Variants in MX1 observed in about 807,000 individuals in gnomAD.
MX1 encodes the protein interferon-induced GTP-binding protein Mx1.
MX1 carries 66 observed loss-of-function variants against 66.4 expected under a neutral mutation model. The observed-to-expected ratio is 0.99, with a 90% CI of 0.82 to 1.22. The LOEUF (loss-of-function observed/expected upper bound fraction) is 1.22, where lower values mean the gene tolerates loss of function less well. Ranked by LOEUF, MX1 falls within the 50% of genes most tolerant of loss-of-function variation. The pLI, the probability that MX1 is intolerant of heterozygous loss-of-function variation, is 0.00. For missense variants in MX1, 787 were observed against 834.3 expected (o/e 0.94, Z 0.70); for synonymous variants, 311 against 318.1 (o/e 0.98, Z 0.24).
intron 7 of MX1, among the ~76,000 whole-genome samples, chr21:41,438,564 T>G (rs114103786): frequency 6.7e-4 from 102 of 152,346 alleles, no homozygotes; most frequent in African/African-American, 2.4e-3. Context: ...CTAACACCTT[T>G]CGGTCTCTCC....
Position 41,449,237 on chromosome 21 carries a change from G to A in MX1, c.1374G>A (p.Val458=), listed in dbSNP as rs1190252404. The change falls in exon 14 of 17, where the codon GTG becomes GTA. Residue 458 remains valine (V), a synonymous_variant. Transcript: ENST00000398598. ...FVNYRTFETI[V]KQQIKALEEP... ...ATTACAGGACATTTGAGACAATCGT[G>A]AAACAGCAAATCAAGGCACTGGAAG... The A allele has an allele frequency of 6.2e-7, 1 of 1,613,886 alleles. No homozygotes were observed. Among genetic ancestry groups the A allele is most frequent in the African/African-American group, 1.3e-5 (1 of 74,880 alleles).
In MX1 at chr21:41,427,586, T is replaced by G. The variant is rs28631006; in HGVS notation, c.-209-169T>G. 0.12 allele frequency among the ~76,000 whole-genome samples: 18,149 copies of G among 152,208 alleles called. 1,254 individuals carry two copies. The highest frequency in any genetic ancestry group is 0.22 in the South Asian group (1,042 of 4,828). On this transcript the variant is annotated intron_variant, in intron 2 of 16. Transcript: ENST00000398598. ...AGTGTAGCCTCTTCCATCTTAGGCATTTCCTAGAACGTAGGCAGTAGGTGG... is the reference window on the plus strand; with the variant it reads ...AGTGTAGCCTCTTCCATCTTAGGCAGTTCCTAGAACGTAGGCAGTAGGTGG...
chr21:41,456,069 C>T (rs958909125), intron 16 of MX1, among the ~76,000 whole-genome samples: 6 of 152,104 alleles, frequency 3.9e-5, no homozygotes, highest in South Asian at 2.1e-4. Flanking sequence ...TGGCGAAACC[C>T]GGTCTCTACT....
At chr21:41,432,006 AC>A (rs1234338416) in intron 4 of MX1, 43 bp from the exon 5 acceptor site, 1 of 1,541,346 alleles carries the variant, frequency 6.5e-7, no homozygotes, top group African/African-American at 1.4e-5. Context: ...GGTTGAATGC[AC>A]CCAGCTGCTT....
intron 14 of MX1, chr21:41,449,610 A>G (rs948898763): frequency 1.7e-5 from 4 of 229,812 alleles, no homozygotes; most frequent in Non-Finnish European, 3.4e-5. Flanking sequence ...CTTGCGACCC[A>G]TTCCTCAGGT....
intron 5 of MX1, among the ~76,000 whole-genome samples, chr21:41,434,986 G>A (rs1336035711): frequency 6.6e-6 from 1 of 152,124 alleles, no homozygotes; most frequent in Non-Finnish European, 1.5e-5. Context: ...GCTTTTGAAT[G>A]GCTAAAAAAG....
Position 41,458,696 on chromosome 21 carries a change from C to G in MX1, c.1927C>G (p.Leu643Val), listed in dbSNP as rs199725620. Residue 643 changes from leucine (L) to valine (V), a missense_variant, in exon 17 of 17, where the codon CTG becomes GTG. Transcript: ENST00000398598. ...RSDTSDKRKFLKERLARLTQA... is the reference protein window; with the variant it reads ...RSDTSDKRKFVKERLARLTQA... ...CGACACCAGCGACAAGCGGAAGTTC[C>G]TGAAGGAGCGGCTTGCACGGCTGAC... The G allele has an allele frequency of 7.9e-5, 127 of 1,614,190 alleles. No homozygotes were observed. In the East Asian group the frequency reaches 2.7e-3, roughly 34 times the overall value.
chr21:41,432,294 G>A, intron 5 of MX1, 119 bp downstream of exon 5: 1 of 880,472 alleles, frequency 1.1e-6, no homozygotes, highest in Non-Finnish European at 1.8e-6. Context: ...CCTCTCCTGT[G>A]CCAGGACGCA....
intron 14 of MX1, among the ~76,000 whole-genome samples, chr21:41,450,309 C>T (rs1469247437): frequency 6.6e-6 from 1 of 152,104 alleles, no homozygotes. Context: ...AAATGCTTTG[C>T]TTTCTTGGTT....
At chr21:41,446,338 A>T (rs1176158199) in intron 13 of MX1, among the ~76,000 whole-genome samples, 197 bp downstream of exon 13, 1 of 152,142 alleles carries the variant, frequency 6.6e-6, no homozygotes. Context: ...CTCTCATGGG[A>T]TAAGGGACGA....
At chr21:41,436,431 A>G (rs537198406) in intron 6 of MX1, among the ~76,000 whole-genome samples, 33 of 152,164 alleles carry the variant, frequency 2.2e-4, no homozygotes, top group Non-Finnish European at 3.5e-4. Context: ...CTCATTGCAC[A>G]TTTTTTTCAC....
chr21:41,449,409 G>T (rs2090762550), intron 14 of MX1, 114 bp downstream of exon 14: 2 of 1,034,726 alleles, frequency 1.9e-6, no homozygotes, highest in Non-Finnish European at 2.8e-6. Context: ...ACACCAACGA[G>T]CAAACCTCTC....
In MX1 at chr21:41,441,034, G is replaced by C; in HGVS notation, c.730+9G>C. On this transcript the variant is annotated intron_variant, in intron 9 of 16. Transcript: ENST00000398598. The surrounding 1 kb of genome is among the most constrained non-coding windows in gnomAD (Gnocchi z 4.0). ...GGGAGACAGGACCATCGGTGAGAGT[G>C]GGGGAGCCCCACTGTGCTCAGTGAG... 6.2e-7 allele frequency: 1 copy of C among 1,612,388 alleles called. No individual in the cohort carries two copies.
Position 41,440,881 on chromosome 21 carries a change from T to A in MX1, c.592-6T>A. On this transcript the variant is annotated splice_polypyrimidine_tract_variant and splice_region_variant and intron_variant, in intron 8 of 16. Coordinates refer to ENST00000398598, the MANE Select transcript of MX1 (RefSeq NM_002462.5). ...TCACGAGTCACCTCCTCTCATTTCC[T>A]TACAGATCAAGACACTCATCAAGAA... 6.2e-7 allele frequency: 1 copy of A among 1,614,116 alleles called. No individual in the cohort carries two copies. The highest frequency in any genetic ancestry group is 8.5e-7 in the Non-Finnish European group (1 of 1,179,970).
intron 11 of MX1, 34 bp from the exon 12 acceptor site, chr21:41,445,414 C>T (rs999182060): frequency 2.5e-6 from 4 of 1,612,454 alleles, no homozygotes; most frequent in Non-Finnish European, 3.4e-6. Flanking sequence ...TTCATCTTTA[C>T]ACATTTCCAT....
At position 41,439,758 on chromosome 21, in the gene MX1, C is replaced by A; in HGVS notation, c.501C>A (p.Ser167Arg). 1 of 1,614,098 alleles carries A rather than the reference C, an allele frequency of 6.2e-7. No individual in the cohort carries two copies. Among genetic ancestry groups the A allele is most frequent in the Non-Finnish European group, 8.5e-7 (1 of 1,179,940 alleles). Residue 167 changes from serine (S) to arginine (R), a missense_variant, in exon 8 of 17, where the codon AGC (serine) becomes AGA (arginine). Physicochemically the swap from Ser to Arg is moderately radical, Grantham distance 110 (BLOSUM62 -1). Transcript: ENST00000398598. ...ATGAGCTAATCACCCTGGAGATCAG[C>A]TCCCGAGATGTCCCGGATCTGACTC... ...ISHELITLEI[S>R]SRDVPDLTLI...
intron 16 of MX1, 60 bp from the exon 17 acceptor site, chr21:41,458,468 T>TAAGAGTCCCCTCCTCA: frequency 8.5e-7 from 1 of 1,181,892 alleles, no homozygotes; most frequent in South Asian, 1.8e-5. Flanking sequence ...CATGGTGAGG[T>TAAGAGTCCCCTCCTCA]CAGAGTCCCC....
At position 41,449,144 on chromosome 21, in the gene MX1, A is replaced by G. The variant is rs1320281952; in HGVS notation, c.1281A>G (p.Lys427=). 3 of 1,610,176 alleles carry G rather than the reference A, an allele frequency of 1.9e-6. No homozygotes were observed. In the East Asian group the frequency reaches 6.7e-5, roughly 36 times the overall value. The change falls in exon 14 of 17, where the codon AAA becomes AAG. Residue 427 remains lysine (K), a synonymous_variant. Transcript: ENST00000398598. ...IIENNFQEGH[K]ILSRKIQKFE... ...TTTTTTTTCCTGCTATAGGCCATAA[A>G]ATTTTGAGTAGAAAAATCCAGAAAT...
intron 7 of MX1, among the ~76,000 whole-genome samples, chr21:41,438,881 C>T (rs1206138386): frequency 6.6e-6 from 1 of 152,116 alleles, no homozygotes; most frequent in Admixed American, 6.6e-5. Flanking sequence ...TGGGTGTGGC[C>T]TCTGTTTCCA....
Sources: gnomAD v4.1 joint callset for allele counts (sites outside exome capture counted in the v4.1 genomes callset) on GRCh38, gnomAD v4.1.1 for gene constraint, Gnocchi (gnomAD v3.1) non-coding constraint, MANE v1.5 for transcripts, NCBI Gene and HGNC (gene_info 2026-07-23, HGNC 2026-07-21) for gene names.